CAST: variants seen among roughly 807,000 people sequenced by gnomAD.
CAST encodes the protein calpastatin, also known as MIR583 host.
Under a neutral mutation model 119.6 loss-of-function variants are expected in CAST, and 76 were observed. The ratio of observed to expected loss-of-function variants is 0.64; its 90% CI spans 0.53 to 0.77. The LOEUF (loss-of-function observed/expected upper bound fraction) is 0.77. Ranked by LOEUF, CAST falls within the 30% of genes least tolerant of loss-of-function variation. The pLI, the probability that CAST is intolerant of heterozygous loss-of-function variation, is 0.00. For missense variants in CAST, 953 were observed against 946.5 expected (o/e 1.01, Z -0.09); for synonymous variants, 319 against 331.6 (o/e 0.96, Z 0.41).
chr5:96,431,601 G>C, the CAST span, among the ~76,000 whole-genome samples: 3 of 152,164 alleles, frequency 2.0e-5, no homozygotes, highest in African/African-American at 7.2e-5. Flanking sequence ...AAAAGCAAAA[G>C]ACTCATCTGC....
the CAST span, among the ~76,000 whole-genome samples, chr5:95,991,174 T>C: frequency 6.6e-6 from 1 of 152,242 alleles, no homozygotes; most frequent in African/African-American, 2.4e-5. Context: ...GAATTAAATA[T>C]ATGGTTCTCC....
the CAST span, among the ~76,000 whole-genome samples, chr5:96,507,867 G>A: frequency 1.6e-4 from 24 of 152,122 alleles, no homozygotes; most frequent in African/African-American, 3.9e-4. Flanking sequence ...ATAGTTTACC[G>A]TCAGTAGAAG....
the CAST span, among the ~76,000 whole-genome samples, chr5:96,232,594 G>A: frequency 8.6e-5 from 13 of 151,956 alleles, no homozygotes; most frequent in Non-Finnish European, 8.8e-5. Context: ...GAAAAACTCA[G>A]TAGAATTTGT....
the CAST span, among the ~76,000 whole-genome samples, chr5:96,468,008 G>C: frequency 2.3e-4 from 35 of 152,080 alleles, no homozygotes; most frequent in Non-Finnish European, 4.0e-4. Flanking sequence ...CTGATGAGTG[G>C]ATAGAGAAAA....
chr5:96,101,477 T>C, the CAST span, among the ~76,000 whole-genome samples: 1 of 152,224 alleles, frequency 6.6e-6, no homozygotes, highest in Admixed American at 6.5e-5. Context: ...TTACGTATGT[T>C]ACCTGCCACA....
chr5:96,082,545 G>A, the CAST span, among the ~76,000 whole-genome samples: 2 of 152,166 alleles, frequency 1.3e-5, no homozygotes, highest in African/African-American at 4.8e-5. Flanking sequence ...GAATAAGAAG[G>A]AAAATTCATT....
At chr5:96,042,029 G>C in the CAST span, among the ~76,000 whole-genome samples, 1 of 152,162 alleles carries the variant, frequency 6.6e-6, no homozygotes. Flanking sequence ...TGCTGGAAAA[G>C]TCCTTCTGGC....
At chr5:96,406,587 T>A in the CAST span, among the ~76,000 whole-genome samples, 109 of 152,264 alleles carry the variant, frequency 7.2e-4, no homozygotes, top group African/African-American at 2.5e-3. Context: ...ATACCCCATC[T>A]CCATAGGAAG....
chr5:96,270,601 C>T, the CAST span, among the ~76,000 whole-genome samples: 2 of 152,114 alleles, frequency 1.3e-5, no homozygotes, highest in Non-Finnish European at 2.9e-5. Flanking sequence ...CAAACTAACA[C>T]AGGAACAGAA....
chr5:96,318,202 C>T, the CAST span, among the ~76,000 whole-genome samples: 1 of 152,212 alleles, frequency 6.6e-6, no homozygotes, highest in South Asian at 2.1e-4. Context: ...AGCAATTGCT[C>T]CCCTGGCTGG....
intron 1 of CAST, among the ~76,000 whole-genome samples, chr5:96,530,238 G>T (rs1319963328): frequency 6.6e-6 from 1 of 152,118 alleles, no homozygotes; most frequent in Non-Finnish European, 1.5e-5. Flanking sequence ...TGGGGAGGAG[G>T]CTTGTAAATG....
chr5:96,219,171 A>G, the CAST span, among the ~76,000 whole-genome samples: 1 of 152,172 alleles, frequency 6.6e-6, no homozygotes, highest in African/African-American at 2.4e-5. Flanking sequence ...TGACAGATAT[A>G]TAATGTCAAT....
chr5:95,964,110 G>A, the CAST span, among the ~76,000 whole-genome samples: 1 of 152,114 alleles, frequency 6.6e-6, no homozygotes, highest in South Asian at 2.1e-4. Flanking sequence ...ATGGTTGTTT[G>A]TATTTTTCCC....
intron 11 of CAST, among the ~76,000 whole-genome samples, chr5:96,739,500 A>C (rs1014016396): frequency 5.3e-5 from 8 of 152,366 alleles, no homozygotes; most frequent in African/African-American, 1.7e-4. Flanking sequence ...AAAATATGCA[A>C]AGTAATGCTG....
intron 3 of CAST, 81 bp from the exon 4 acceptor site, chr5:96,722,558 T>C (rs772696253): frequency 3.5e-5 from 37 of 1,062,212 alleles, no homozygotes; most frequent in Middle Eastern, 2.0e-4. Flanking sequence ...CCAAGGGCAG[T>C]ATGGTTAAGA....
the CAST span, among the ~76,000 whole-genome samples, chr5:96,360,507 G>A: frequency 6.6e-6 from 1 of 152,118 alleles, no homozygotes; most frequent in South Asian, 2.1e-4. Context: ...CTTTGGATGG[G>A]GTTTTGGTGT....
At chr5:96,453,744 G>A in the CAST span, among the ~76,000 whole-genome samples, 1 of 152,148 alleles carries the variant, frequency 6.6e-6, no homozygotes, top group East Asian at 1.9e-4. Context: ...AAAAAATGTT[G>A]ATATATTGAT....
the CAST span, among the ~76,000 whole-genome samples, chr5:96,414,635 C>T: frequency 5.3e-5 from 8 of 152,134 alleles, no homozygotes; most frequent in Non-Finnish European, 5.9e-5. Context: ...TCTTGTGTTT[C>T]AGTTCTACAC....
upstream of CAST, among the ~76,000 whole-genome samples, chr5:96,522,681 A>G (rs562855210): frequency 6.6e-6 from 1 of 152,244 alleles, no homozygotes; most frequent in Admixed American, 6.5e-5. Flanking sequence ...ACTTTTTGCA[A>G]AACTTTCCAT....
Sources: gnomAD v4.1 joint callset for allele counts (sites outside exome capture counted in the v4.1 genomes callset) on GRCh38, gnomAD v4.1.1 for gene constraint, MANE v1.5 for transcripts, NCBI Gene and HGNC (gene_info 2026-07-23, HGNC 2026-07-21) for gene names.